Variants in CCDC85A observed in about 807,000 individuals in gnomAD.
CCDC85A encodes the protein coiled-coil domain-containing protein 85A.
A neutral mutation model predicts 50.2 loss-of-function variants in CCDC85A; 38 were observed. That is an observed-to-expected ratio of 0.76 (90% CI 0.58 to 0.99). CCDC85A has a LOEUF of 0.99. CCDC85A is among the 50% of genes least tolerant of loss of function. The probability of loss-of-function intolerance (pLI) is 0.00; values close to 1 mark genes in which losing one functional copy is unlikely to be tolerated. For missense variants in CCDC85A, 820 were observed against 742.0 expected (o/e 1.11, Z -1.22); for synonymous variants, 366 against 301.4 (o/e 1.21, Z -2.22).
At chr2:56,361,836 T>G (rs1014793935) in intron 3 of CCDC85A, among the ~76,000 whole-genome samples, 8 of 152,134 alleles carry the variant, frequency 5.3e-5, no homozygotes, top group African/African-American at 1.9e-4. Flanking sequence ...TTAATTCACA[T>G]TTTTGAAGGA....
intron 2 of CCDC85A, among the ~76,000 whole-genome samples, chr2:56,261,276 A>G (rs944342387): frequency 4.6e-5 from 7 of 152,186 alleles, no homozygotes; most frequent in Admixed American, 3.3e-4. Context: ...AGCACTATAA[A>G]ATAGGTAGTT....
At chr2:56,190,370 A>G (rs1676244772) in intron 1 of CCDC85A, among the ~76,000 whole-genome samples, 1 of 152,186 alleles carries the variant, frequency 6.6e-6, no homozygotes, top group South Asian at 2.1e-4. Context: ...AGTCATCTTA[A>G]AAATTCCTTG....
intron 2 of CCDC85A, among the ~76,000 whole-genome samples, chr2:56,238,588 A>G (rs965926014): frequency 2.6e-4 from 39 of 152,344 alleles, no homozygotes; most frequent in African/African-American, 7.5e-4. Flanking sequence ...CATTTAGAAT[A>G]TAAAAACCAT....
intron 2 of CCDC85A, among the ~76,000 whole-genome samples, chr2:56,275,188 A>C (rs1193445354): frequency 6.6e-6 from 1 of 152,212 alleles, no homozygotes; most frequent in Non-Finnish European, 1.5e-5. Context: ...AATCTGTTAT[A>C]TTAATATAAG....
rs1352220771 is a variant in CCDC85A, at chr2:56,184,725, A to T, written c.101A>T (p.Glu34Val). ...GSSAAPPAPV[E>V]DLSKVSDEEL... ...TCCGCGGCCCCGCCCGCGCCGGTGGAGGACCTGTCCAAAGTGTCGGACGAG... is the reference window on the plus strand; with the variant it reads ...TCCGCGGCCCCGCCCGCGCCGGTGGTGGACCTGTCCAAAGTGTCGGACGAG... Residue 34 changes from glutamate (E) to valine (V), a missense_variant, in exon 1 of 6, where the codon GAG becomes GTG. Coordinates refer to ENST00000407595, the MANE Select transcript of CCDC85A (RefSeq NM_001080433.2). 4 of 1,537,624 alleles carry T rather than the reference A, an allele frequency of 2.6e-6. No homozygotes were observed. In the South Asian group the frequency reaches 4.8e-5, roughly 19 times the overall value.
At chr2:56,323,139 T>A (rs1476981513) in intron 2 of CCDC85A, among the ~76,000 whole-genome samples, 1 of 151,950 alleles carries the variant, frequency 6.6e-6, no homozygotes, top group Non-Finnish European at 1.5e-5. Flanking sequence ...CACCAGGGCC[T>A]GTTGTGGGGT....
At chr2:56,301,978 G>T (rs977947210) in intron 2 of CCDC85A, among the ~76,000 whole-genome samples, 1 of 152,108 alleles carries the variant, frequency 6.6e-6, no homozygotes, top group Admixed American at 6.6e-5. Context: ...TAAATAGGCC[G>T]GGCGTAGTGG....
rs527321338 is a variant in CCDC85A, at chr2:56,358,187, C to T, written c.1318-14157C>T. On this transcript the variant is annotated intron_variant, in intron 3 of 5. Coordinates refer to ENST00000407595, the MANE Select transcript of CCDC85A (RefSeq NM_001080433.2). ...CACCATCAGCCAAAACAAACCTCTG[C>T]GTAGTATTGGGGTCTGAATACGACA... is the stretch of plus-strand genomic sequence containing the variant. 3.3e-5 allele frequency among the ~76,000 whole-genome samples: 5 copies of T among 152,232 alleles called. No individual in the cohort carries two copies. In the East Asian group the frequency reaches 9.7e-4, roughly 29 times the overall value.
At chr2:56,311,065 T>A (rs894845100) in intron 2 of CCDC85A, among the ~76,000 whole-genome samples, 14 of 152,192 alleles carry the variant, frequency 9.2e-5, no homozygotes, top group Non-Finnish European at 2.1e-4. Flanking sequence ...GGATATATTA[T>A]TTCTACATGC....
intron 2 of CCDC85A, among the ~76,000 whole-genome samples, chr2:56,251,108 GA>G (rs1669734138): frequency 6.6e-6 from 1 of 152,140 alleles, no homozygotes; most frequent in East Asian, 1.9e-4. Context: ...TCCTCCCCCA[GA>G]GGTATCTCCT....
At chr2:56,295,132 A>AT (rs59146405) in intron 2 of CCDC85A, among the ~76,000 whole-genome samples, 26,571 of 151,352 alleles carry the variant, frequency 0.18, 3,069 homozygotes, top group East Asian at 0.32. Context: ...GTTGTTTTGG[A>AT]TTTTTTTTTA....
rs1019200978 is a variant in CCDC85A, at chr2:56,384,490, C to G, written c.*135C>G. ...AGTGATTGTACATTGCACATATCTC[C>G]CCTCTAAAACCTGTAGTACAACTTC... is the stretch of plus-strand genomic sequence containing the variant. On this transcript the variant is annotated 3_prime_UTR_variant, in exon 6 of 6. Transcript: ENST00000407595. 1 of 665,738 alleles carries G rather than the reference C, an allele frequency of 1.5e-6. No individual in the cohort carries two copies. Among genetic ancestry groups the G allele is most frequent in the Non-Finnish European group, 2.6e-6 (1 of 386,658 alleles). The allele number at this position is 665,738 out of a possible 1,614,324, so 41.2% of individuals were successfully genotyped here. A position where few individuals can be genotyped will look rare whatever the true frequency, so the allele number is the denominator to read the frequency against.
At chr2:56,369,307 T>G (rs1675959808) in intron 3 of CCDC85A, among the ~76,000 whole-genome samples, 1 of 152,176 alleles carries the variant, frequency 6.6e-6, no homozygotes. Flanking sequence ...GTTGTACGTC[T>G]TTAAATAAAT....
intron 2 of CCDC85A, among the ~76,000 whole-genome samples, chr2:56,237,022 G>A (rs902382448): frequency 2.6e-5 from 4 of 152,074 alleles, no homozygotes; most frequent in African/African-American, 9.7e-5. Context: ...ATGTATTTCA[G>A]TTGGTTAACT....
At chr2:56,351,390 T>C (rs1259499878) in intron 3 of CCDC85A, among the ~76,000 whole-genome samples, 1 of 148,096 alleles carries the variant, frequency 6.8e-6, no homozygotes, top group Non-Finnish European at 1.5e-5. Context: ...CTGGGTCAAA[T>C]GGTATTTCCA....
chr2:56,384,239 T>C (rs371411018), intron 5 of CCDC85A, 27 bp from the exon 6 acceptor site: 10 of 1,588,204 alleles, frequency 6.3e-6, no homozygotes, highest in Non-Finnish European at 8.6e-6. Context: ...AAAAGTAAGA[T>C]ACTCACTCCT....
At chr2:56,204,637 T>A (rs1381964174) in intron 2 of CCDC85A, among the ~76,000 whole-genome samples, 1 of 152,204 alleles carries the variant, frequency 6.6e-6, no homozygotes, top group Non-Finnish European at 1.5e-5. Flanking sequence ...TACCTGCCAC[T>A]CACCTGACTT....
intron 5 of CCDC85A, chr2:56,379,637 T>C (rs890784932): frequency 1.8e-5 from 3 of 162,860 alleles, no homozygotes; most frequent in African/African-American, 7.2e-5. Flanking sequence ...CACTCTGATA[T>C]GCAGACATGG....
At chr2:56,327,831 CAAAAAAA>C (rs70955016) in intron 2 of CCDC85A, among the ~76,000 whole-genome samples, 17 of 93,262 alleles carry the variant, frequency 1.8e-4, no homozygotes, top group African/African-American at 2.6e-4. Context: ...TAGAGTAAGG[CAAAAAAA>C]AAAAAAAAAA....
Sources: gnomAD v4.1 joint callset for allele counts (sites outside exome capture counted in the v4.1 genomes callset) on GRCh38, gnomAD v4.1.1 for gene constraint, MANE v1.5 for transcripts, NCBI Gene and HGNC (gene_info 2026-07-23, HGNC 2026-07-21) for gene names.